The following HGF variants were observed in gnomAD, a reference collection of about 807,000 sequenced individuals.
The protein encoded by HGF is hepatocyte growth factor.
HGF carries 39 observed loss-of-function variants against 111.6 expected under a neutral mutation model. That is an observed-to-expected ratio of 0.35 (90% CI 0.27 to 0.46). The LOEUF is 0.46. Among genes scored for constraint, HGF ranks in the 20% least tolerant of loss-of-function variants. HGF has a pLI of 1.00. For synonymous variants in HGF, 285 were observed against 294.8 expected (o/e 0.97, Z 0.34); for missense variants, 735 against 910.5 (o/e 0.81, Z 2.48).
chr7:81,708,258 T>C (rs545268466), intron 13 of HGF, among the ~76,000 whole-genome samples: 25 of 152,168 alleles, frequency 1.6e-4, no homozygotes, highest in Admixed American at 3.9e-4. Flanking sequence ...GAAGAATAAC[T>C]AAGCAGCTGT....
chr7:81,757,702 T>C (rs1011683276), intron 3 of HGF, among the ~76,000 whole-genome samples: 1 of 152,160 alleles, frequency 6.6e-6, no homozygotes, highest in Non-Finnish European at 1.5e-5. Context: ...AATTAATTTG[T>C]CCTTCTTAGT....
At chr7:81,751,428 C>T (rs1236424734) in intron 5 of HGF, 34 of 985,224 alleles carry the variant, frequency 3.5e-5, no homozygotes, top group Non-Finnish European at 4.1e-5. Flanking sequence ...CAGTTTTCCA[C>T]TGCAAAAGTA....
At chr7:81,740,929 G>A (rs1467128688) in intron 7 of HGF, among the ~76,000 whole-genome samples, 2 of 152,166 alleles carry the variant, frequency 1.3e-5, no homozygotes, top group Non-Finnish European at 2.9e-5. Flanking sequence ...ATAAACGTGT[G>A]TTGTTGTTAG....
chr7:81,745,715 C>A (rs1356379905), intron 5 of HGF, among the ~76,000 whole-genome samples: 1 of 152,158 alleles, frequency 6.6e-6, no homozygotes, highest in African/African-American at 2.4e-5. Flanking sequence ...GTTGAATAAG[C>A]TGGGCAGGTT....
chr7:81,748,817 A>G (rs1788378724), intron 5 of HGF, among the ~76,000 whole-genome samples: 1 of 152,254 alleles, frequency 6.6e-6, no homozygotes, highest in Non-Finnish European at 1.5e-5. Context: ...CAAAAACTGT[A>G]TATGAATTAG....
chr7:81,727,075 C>G (rs891732873), intron 8 of HGF, among the ~76,000 whole-genome samples: 1 of 147,036 alleles, frequency 6.8e-6, no homozygotes, highest in Non-Finnish European at 1.5e-5. Context: ...GAGTCTCGTT[C>G]TGTCGCCCAA....
chr7:81,744,658 C>T (rs1788155444), intron 6 of HGF, among the ~76,000 whole-genome samples: 1 of 152,128 alleles, frequency 6.6e-6, no homozygotes, highest in African/African-American at 2.4e-5. Flanking sequence ...TTTGTTTCTG[C>T]TCTGAGAGAG....
intron 4 of HGF, among the ~76,000 whole-genome samples, chr7:81,754,225 A>G (rs958613164): frequency 1.3e-5 from 2 of 152,000 alleles, no homozygotes; most frequent in African/African-American, 4.8e-5. Flanking sequence ...CTTCACTTAG[A>G]TGAATAATAC....
chr7:81,768,454 A>T (rs1246689177), intron 1 of HGF, among the ~76,000 whole-genome samples: 2 of 151,976 alleles, frequency 1.3e-5, no homozygotes. Flanking sequence ...ATCTCGGCTC[A>T]CTGCAACCCC....
At chr7:81,728,347 C>A (rs1790073664) in intron 8 of HGF, among the ~76,000 whole-genome samples, 1 of 152,162 alleles carries the variant, frequency 6.6e-6, no homozygotes, top group South Asian at 2.1e-4. Context: ...ATGTTTATAT[C>A]CATTCTGTTT....
intron 1 of HGF, among the ~76,000 whole-genome samples, chr7:81,764,456 A>G (rs1409632005): frequency 6.6e-6 from 1 of 152,172 alleles, no homozygotes; most frequent in Non-Finnish European, 1.5e-5. Context: ...ACATTTTAAC[A>G]TGAAAATGAA....
At chr7:81,721,028 G>A (rs1789842491) in intron 9 of HGF, among the ~76,000 whole-genome samples, 181 bp from the exon 10 acceptor site, 2 of 152,188 alleles carry the variant, frequency 1.3e-5, no homozygotes, top group East Asian at 3.8e-4. Flanking sequence ...GGCCCATCAC[G>A]AGGTCAGGAG....
intron 17 of HGF, among the ~76,000 whole-genome samples, chr7:81,703,299 CTTG>C (rs1789336294): frequency 6.7e-6 from 1 of 149,978 alleles, no homozygotes; most frequent in African/African-American, 2.4e-5. Context: ...AAATAAAAAA[CTTG>C]TTGTCAACAA....
At chr7:81,744,891 T>C in intron 6 of HGF, 109 bp downstream of exon 6, 7 of 1,201,670 alleles carry the variant, frequency 5.8e-6, no homozygotes, top group Non-Finnish European at 8.5e-6. Context: ...GTTATGTTCA[T>C]GTCCTATCGG....
At chr7:81,768,142 T>C (rs1281198514) in intron 1 of HGF, among the ~76,000 whole-genome samples, 3 of 152,222 alleles carry the variant, frequency 2.0e-5, no homozygotes, top group Non-Finnish European at 2.9e-5. Context: ...CAAATGTATG[T>C]CTCCTGCCAA....
intron 7 of HGF, among the ~76,000 whole-genome samples, chr7:81,734,617 C>A (rs988673306): frequency 6.6e-6 from 1 of 151,910 alleles, no homozygotes; most frequent in African/African-American, 2.4e-5. Flanking sequence ...ACCAAGAGAA[C>A]AAGATCACTA....
intron 5 of HGF, 144 bp from the exon 6 acceptor site, chr7:81,745,264 A>G: frequency 5.1e-6 from 4 of 778,188 alleles, no homozygotes; most frequent in Non-Finnish European, 8.6e-6. Flanking sequence ...TTAGGGCCTA[A>G]TGTCTATAAA....
At chr7:81,754,564 G>A (rs954612333) in intron 4 of HGF, among the ~76,000 whole-genome samples, 1 of 151,938 alleles carries the variant, frequency 6.6e-6, no homozygotes. Flanking sequence ...TTCCCCCATT[G>A]GAGTTAATAA....
At position 81,748,726 on chromosome 7, in the gene HGF, A is replaced by T. The variant is rs573105367; in HGVS notation, c.625+3394T>A. ...CTACTGCCCTAGATAGATCACAAAA[A>T]CTCACAGAGTAATGGTTTCTGTTCA... On this transcript the variant is annotated intron_variant, in intron 5 of 17. Transcript: ENST00000222390. Among the ~76,000 whole-genome samples the T allele has an allele frequency of 6.9e-4, 105 of 152,208 alleles. 1 individual carries two copies. Among genetic ancestry groups the T allele is most frequent in the African/African-American group, 2.4e-3 (99 of 41,530 alleles).
Sources: allele counts gnomAD v4.1 joint callset (sites outside exome capture counted in the v4.1 genomes callset), GRCh38; gene constraint gnomAD v4.1.1; transcripts MANE v1.5; gene names NCBI Gene and HGNC (gene_info 2026-07-23, HGNC 2026-07-21).